The following COLEC12 variants were observed in gnomAD, a reference collection of about 807,000 sequenced individuals.
COLEC12 encodes the protein collectin-12.
A neutral mutation model predicts 71.1 loss-of-function variants in COLEC12; 33 were observed. The ratio of observed to expected loss-of-function variants is 0.46; its 90% CI spans 0.35 to 0.62. COLEC12 has a LOEUF of 0.62. Ranked by LOEUF, COLEC12 falls within the 20% of genes least tolerant of loss-of-function variation. COLEC12 has a pLI of 0.00. For missense variants in COLEC12, 765 were observed against 916.1 expected (o/e 0.84, Z 2.13); for synonymous variants, 350 against 353.0 (o/e 0.99, Z 0.10).
intron 1 of COLEC12, among the ~76,000 whole-genome samples, chr18:495,017 A>C (rs1917683839): frequency 6.6e-6 from 1 of 152,240 alleles, no homozygotes; most frequent in Admixed American, 6.5e-5. Flanking sequence ...TGACAAATTC[A>C]GAAGTTAAGA....
Position 348,131 on chromosome 18 carries a change from T to A in COLEC12, c.214A>T (p.Met72Leu). The part of the protein sequence containing the change: ...VEKMDNVTGG[M>L]ETSRQTYDDK... ...TCATAGGTTTGGCGAGATGTTTCCATGCCACCTGTGACATTGTCCATTTTC... is the reference window on the plus strand; with the variant it reads ...TCATAGGTTTGGCGAGATGTTTCCAAGCCACCTGTGACATTGTCCATTTTC... Residue 72 changes from methionine (M) to leucine (L), a missense_variant, in exon 4 of 10, where the codon ATG (methionine) becomes TTG (leucine). Physicochemically the swap from Met to Leu is conservative, Grantham distance 15 (BLOSUM62 2). Transcript: ENST00000400256. 6.2e-7 allele frequency: 1 copy of A among 1,613,916 alleles called. No individual in the cohort carries two copies. The highest frequency in any genetic ancestry group is 1.1e-5 in the South Asian group (1 of 91,076).
chr18:351,205 G>T (rs572661382), intron 3 of COLEC12, among the ~76,000 whole-genome samples: 4 of 151,892 alleles, frequency 2.6e-5, no homozygotes, highest in Admixed American at 6.6e-5. Context: ...AGCTTCTACC[G>T]TCTGGTCATA....
chr18:472,678 C>CAAA (rs765169609), intron 2 of COLEC12, among the ~76,000 whole-genome samples: 113 of 93,502 alleles, frequency 1.2e-3, no homozygotes, highest in East Asian at 1.7e-3. Context: ...GGCCCTGTGA[C>CAAA]AAAAAAAAAA....
chr18:402,286 G>A (rs1915702935), intron 2 of COLEC12, among the ~76,000 whole-genome samples: 1 of 152,144 alleles, frequency 6.6e-6, no homozygotes, highest in Non-Finnish European at 1.5e-5. Flanking sequence ...CTGACTGGCT[G>A]AAGAGTAGGC....
intron 2 of COLEC12, among the ~76,000 whole-genome samples, chr18:368,674 C>A (rs910026819): frequency 6.6e-6 from 1 of 151,752 alleles, no homozygotes; most frequent in Non-Finnish European, 1.5e-5. Context: ...ACCAGCCTGG[C>A]TAACATGGTG....
intron 6 of COLEC12, chr18:333,381 C>T: frequency 2.5e-6 from 1 of 404,868 alleles, no homozygotes; most frequent in Non-Finnish European, 4.4e-6. Context: ...GGTCTTTGTT[C>T]TTCTGTGTCT....
At chr18:499,937 G>C (rs529836965) in intron 1 of COLEC12, among the ~76,000 whole-genome samples, 1 of 152,346 alleles carries the variant, frequency 6.6e-6, no homozygotes, top group Admixed American at 6.5e-5. Flanking sequence ...TCCAGTCGGT[G>C]AATCTGATGG....
Position 338,984 on chromosome 18 carries a change from A to ATTTTTTT in COLEC12, c.1328-3761_1328-3755dup, listed in dbSNP as rs33991062. Among the ~76,000 whole-genome samples, 15 of 144,548 alleles carry ATTTTTTT rather than the reference A, an allele frequency of 1.0e-4. No homozygotes were observed. In the South Asian group the frequency reaches 1.6e-3, roughly 15 times the overall value. 94.8% of individuals were successfully genotyped at this position (144,548 alleles called of 152,430 possible). On this transcript the variant is annotated intron_variant, in intron 5 of 9. Transcript: ENST00000400256. The stretch of plus-strand genomic sequence containing the variant: ...AATAATCTTTAGCCTTATTGTCTTA[A>ATTTTTTT]TTTTTTTTTTTTTTTTTTTTGCTGA...
intron 5 of COLEC12, among the ~76,000 whole-genome samples, chr18:335,843 A>G (rs917476548): frequency 1.3e-5 from 2 of 152,176 alleles, no homozygotes; most frequent in African/African-American, 2.4e-5. Flanking sequence ...AACAGTGCAC[A>G]ACGTTTTAGT....
Position 431,491 on chromosome 18 carries a change from T to C in COLEC12, c.58+49216A>G, listed in dbSNP as rs192189606. On this transcript the variant is annotated intron_variant, in intron 2 of 9. Transcript: ENST00000400256. The stretch of plus-strand genomic sequence containing the variant: ...ATCAATAAAACCAGACCTGAATGAA[T>C]GAATAACCTATAGACTGCGGAGGTG... Among the ~76,000 whole-genome samples, 108 of 152,314 alleles carry C rather than the reference T, an allele frequency of 7.1e-4. 1 individual carries two copies. Among genetic ancestry groups the C allele is most frequent in the Middle Eastern group, 6.8e-3 (2 of 294 alleles).
chr18:333,332 C>A (rs1025085935), intron 6 of COLEC12, 189 bp from the exon 7 acceptor site: 1 of 510,020 alleles, frequency 2.0e-6, no homozygotes. Context: ...CTGCAGAGCA[C>A]AAGCCAAAAC....
intron 2 of COLEC12, among the ~76,000 whole-genome samples, chr18:373,319 G>A (rs1915041897): frequency 6.6e-6 from 1 of 152,162 alleles, no homozygotes; most frequent in South Asian, 2.1e-4. Context: ...GGAACACCTT[G>A]CAACTTCTCC....
intron 2 of COLEC12, among the ~76,000 whole-genome samples, chr18:390,732 C>G (rs369011727): frequency 6.6e-6 from 1 of 152,008 alleles, no homozygotes; most frequent in Non-Finnish European, 1.5e-5. Context: ...TGCACTCCAG[C>G]CTGGGCCACA....
chr18:320,038 C>G lies in COLEC12; in HGVS notation c.*7G>C. On this transcript the variant is annotated 3_prime_UTR_variant, in exon 10 of 10. Coordinates refer to ENST00000400256, the MANE Select transcript of COLEC12 (RefSeq NM_130386.3). ...AAAATTTGCTCATGTGATCCCATCACAGTCCGTTATAATGCAGATGACAGT... is the reference window on the plus strand; with the variant it reads ...AAAATTTGCTCATGTGATCCCATCAGAGTCCGTTATAATGCAGATGACAGT... 6.5e-7 allele frequency: 1 copy of G among 1,550,362 alleles called. No homozygotes were observed. Among genetic ancestry groups the G allele is most frequent in the Non-Finnish European group, 8.8e-7 (1 of 1,134,454 alleles).
In COLEC12 at chr18:400,024, G is replaced by A. The variant is rs1915650088; in HGVS notation, c.59-42502C>T. Among the ~76,000 whole-genome samples, 4 of 152,082 alleles carry A rather than the reference G, an allele frequency of 2.6e-5. No individual in the cohort carries two copies. In the South Asian group the frequency reaches 8.3e-4, roughly 32 times the overall value. On this transcript the variant is annotated intron_variant, in intron 2 of 9. Coordinates refer to ENST00000400256, the MANE Select transcript of COLEC12 (RefSeq NM_130386.3). ...AATCCCATGACATAGTTTTTGCAAG[G>A]ACTTCCAGCTTTCTCTTAGTATAAA...
chr18:334,501 G>A (rs978440011), intron 6 of COLEC12: 11 of 336,592 alleles, frequency 3.3e-5, no homozygotes, highest in African/African-American at 6.4e-5. Context: ...GGGGGCACAC[G>A]CTTGTAGTCC....
At chr18:411,143 G>C (rs1915887020) in intron 2 of COLEC12, among the ~76,000 whole-genome samples, 1 of 152,116 alleles carries the variant, frequency 6.6e-6, no homozygotes. Flanking sequence ...TACCACTCAG[G>C]TATCAATGGA....
intron 2 of COLEC12, among the ~76,000 whole-genome samples, chr18:373,425 G>A (rs146553780): frequency 1.2e-4 from 18 of 152,246 alleles, no homozygotes; most frequent in African/African-American, 2.2e-4. Context: ...AAACGGATTC[G>A]GGCAGGACCA....
At chr18:323,177 G>T (rs1204094017) in intron 8 of COLEC12, among the ~76,000 whole-genome samples, 1 of 152,180 alleles carries the variant, frequency 6.6e-6, no homozygotes, top group East Asian at 1.9e-4. Context: ...AGTGAGCCAA[G>T]ATCATGCCAC....
Sources: gnomAD v4.1 joint callset for allele counts (sites outside exome capture counted in the v4.1 genomes callset) on GRCh38, gnomAD v4.1.1 for gene constraint, MANE v1.5 for transcripts, NCBI Gene and HGNC (gene_info 2026-07-23, HGNC 2026-07-21) for gene names.